Variants in ZDHHC2 observed in about 807,000 individuals in gnomAD.
The protein encoded by ZDHHC2 is zDHHC palmitoyltransferase 2.
ZDHHC2 carries 51 observed loss-of-function variants against 55.6 expected under a neutral mutation model. The ratio of observed to expected loss-of-function variants is 0.92; its 90% confidence interval spans 0.73 to 1.16. ZDHHC2 has a LOEUF of 1.16. Ranked by LOEUF, ZDHHC2 falls within the 50% of genes most tolerant of loss-of-function variation. The pLI, the probability that ZDHHC2 is intolerant of heterozygous loss-of-function variation, is 0.00. For missense variants in ZDHHC2, 491 were observed against 442.4 expected (o/e 1.11, Z -0.99); for synonymous variants, 199 against 152.9 (o/e 1.30, Z -2.22).
intron 10 of ZDHHC2, among the ~76,000 whole-genome samples, chr8:17,214,146 C>G (rs1807526391): frequency 6.6e-6 from 1 of 151,984 alleles, no homozygotes; most frequent in African/African-American, 2.4e-5. Context: ...TAAAACATCA[C>G]TAATAGTTTC....
Position 17,223,094 on chromosome 8 carries a change from G to GA in ZDHHC2, c.*2879dup, listed in dbSNP as rs1807988360. The stretch of plus-strand genomic sequence containing the variant: ...TGATTCATGCTTCAAGAAAATATAT[G>GA]AAAAAAGTGTTACTCCATTATGTTA... On this transcript the variant is annotated 3_prime_UTR_variant, in exon 13 of 13. Transcript: ENST00000262096. 6.6e-6 allele frequency: 1 copy of GA among 151,734 alleles called. No homozygotes were observed. The highest frequency in any genetic ancestry group is 1.5e-5 in the Non-Finnish European group (1 of 67,766). The allele number at this position is 151,734 out of a possible 1,614,324, so 9.4% of individuals were successfully genotyped here.
At chr8:17,189,764 A>G (rs1244695342) in intron 3 of ZDHHC2, among the ~76,000 whole-genome samples, 2 of 152,246 alleles carry the variant, frequency 1.3e-5, no homozygotes, top group Non-Finnish European at 2.9e-5. Flanking sequence ...GGAGCAGTCA[A>G]ATCGATGACA....
intron 6 of ZDHHC2, 61 bp from the exon 7 acceptor site, chr8:17,205,594 C>A: frequency 1.3e-6 from 2 of 1,485,076 alleles, no homozygotes; most frequent in South Asian, 1.5e-5. Flanking sequence ...CTTGCTTGAG[C>A]ATATGCACAT....
At chr8:17,207,883 C>G in intron 7 of ZDHHC2, 77 bp from the exon 8 acceptor site, 3 of 1,150,822 alleles carry the variant, frequency 2.6e-6, no homozygotes, top group Non-Finnish European at 2.2e-6. Context: ...AAAAAAAAAT[C>G]TTACTAATTT....
chr8:17,205,507 G>T lies in ZDHHC2; in HGVS notation c.477-148G>T. 5 of 867,884 alleles carry T rather than the reference G, an allele frequency of 5.8e-6. No homozygotes were observed. The Middle Eastern group carries it at 1.1e-3, about 191-fold the overall frequency. 53.8% of individuals were successfully genotyped at this position (867,884 alleles called of 1,614,324 possible). A position where few individuals can be genotyped will look rare whatever the true frequency, so the allele number is the denominator to read the frequency against. ...TTTTTAGTGAAATGGATTTTTACAT[G>T]ATTGTATGCATAAAGAAATCTTATG... is the stretch of plus-strand genomic sequence containing the variant. On this transcript the variant is annotated intron_variant, in intron 6 of 12. Transcript: ENST00000262096.
intron 1 of ZDHHC2, among the ~76,000 whole-genome samples, chr8:17,162,203 A>G (rs565999108): frequency 2.6e-5 from 4 of 152,332 alleles, no homozygotes; most frequent in Non-Finnish European, 5.9e-5. Context: ...ACTATTTGCT[A>G]TTAAACCCTA....
intron 3 of ZDHHC2, among the ~76,000 whole-genome samples, chr8:17,193,379 A>G (rs1301027444): frequency 2.0e-5 from 3 of 152,320 alleles, no homozygotes; most frequent in Non-Finnish European, 4.4e-5. Context: ...ATATTCTTCT[A>G]AACAAACAGA....
At chr8:17,193,815 A>G (rs1806166496) in intron 3 of ZDHHC2, among the ~76,000 whole-genome samples, 1 of 152,274 alleles carries the variant, frequency 6.6e-6, no homozygotes, top group African/African-American at 2.4e-5. Flanking sequence ...CATGTCCAGA[A>G]CGTGGAGGTT....
At chr8:17,180,700 A>C (rs1170038328) in intron 1 of ZDHHC2, among the ~76,000 whole-genome samples, 2 of 152,330 alleles carry the variant, frequency 1.3e-5, no homozygotes, top group African/African-American at 4.8e-5. Context: ...CTCATTTTGT[A>C]GTGGAATAAG....
chr8:17,184,023 T>C (rs1805571609), intron 1 of ZDHHC2, among the ~76,000 whole-genome samples: 1 of 152,098 alleles, frequency 6.6e-6, no homozygotes, highest in African/African-American at 2.4e-5. Context: ...GACAAAAATA[T>C]ACAAAGTCAG....
chr8:17,196,080 T>C (rs575823453), intron 4 of ZDHHC2, among the ~76,000 whole-genome samples: 1 of 152,220 alleles, frequency 6.6e-6, no homozygotes, highest in Non-Finnish European at 1.5e-5. Flanking sequence ...ATTGGTATAA[T>C]TTTTTATCTA....
intron 8 of ZDHHC2, among the ~76,000 whole-genome samples, chr8:17,209,053 C>T (rs1197400157): frequency 1.3e-5 from 2 of 152,018 alleles, no homozygotes; most frequent in Admixed American, 1.3e-4. Flanking sequence ...ATTCCAAAAA[C>T]AACATTTTAC....
In ZDHHC2 at chr8:17,210,143, T is replaced by A. The variant is rs1289047368; in HGVS notation, c.857+85T>A. ...GTTTCAGGAAAAGCCTCTAGTTCCA[T>A]AGGCTTGTAATTCTGTGTAGGAACT... On this transcript the variant is annotated intron_variant, in intron 9 of 12. Coordinates refer to ENST00000262096, the MANE Select transcript of ZDHHC2 (RefSeq NM_016353.5). The A allele has an allele frequency of 4.9e-6, 7 of 1,422,424 alleles. No individual in the cohort carries two copies. The African/African-American group carries it at 8.7e-5, about 18-fold the overall frequency. The allele number at this position is 1,422,424 out of a possible 1,614,324, so 88.1% of individuals were successfully genotyped here.
At chr8:17,205,529 T>TA in intron 6 of ZDHHC2, 126 bp from the exon 7 acceptor site, 1 of 1,110,716 alleles carries the variant, frequency 9.0e-7, no homozygotes. Flanking sequence ...AAAGAAATCT[T>TA]ATGAGTTATA....
At chr8:17,202,734 TACACACACACACACACACAC>T (rs61412744) in intron 6 of ZDHHC2, among the ~76,000 whole-genome samples, 1 of 149,660 alleles carries the variant, frequency 6.7e-6, no homozygotes. Flanking sequence ...TATATATATA[TACACACACACACACACACAC>T]ATATACATGC....
At chr8:17,204,763 C>G (rs1254934939) in intron 6 of ZDHHC2, among the ~76,000 whole-genome samples, 2 of 152,130 alleles carry the variant, frequency 1.3e-5, no homozygotes, top group Non-Finnish European at 2.9e-5. Context: ...CCCCACAACT[C>G]ACGTTTACCT....
intron 7 of ZDHHC2, among the ~76,000 whole-genome samples, chr8:17,206,808 A>C (rs966131559): frequency 3.3e-5 from 5 of 152,202 alleles, no homozygotes; most frequent in African/African-American, 1.2e-4. Flanking sequence ...ATTTTCATTA[A>C]ATTATCTTTA....
intron 4 of ZDHHC2, among the ~76,000 whole-genome samples, chr8:17,197,275 A>G (rs554624281): frequency 3.3e-5 from 5 of 152,130 alleles, no homozygotes; most frequent in African/African-American, 1.2e-4. Context: ...GAGACATTCT[A>G]TTTATTTTGA....
intron 1 of ZDHHC2, among the ~76,000 whole-genome samples, chr8:17,157,201 GC>G (rs1471926094): frequency 6.6e-6 from 1 of 152,194 alleles, no homozygotes; most frequent in Non-Finnish European, 1.5e-5. Context: ...GGCCGGCGAG[GC>G]GCGCCGGGGG....
Sources: allele counts gnomAD v4.1 joint callset (sites outside exome capture counted in the v4.1 genomes callset), GRCh38; gene constraint gnomAD v4.1.1; transcripts MANE v1.5; gene names NCBI Gene and HGNC (gene_info 2026-07-23, HGNC 2026-07-21).